The following SEMA5A variants were observed in gnomAD, a reference collection of about 807,000 sequenced individuals.
The protein encoded by SEMA5A is semaphorin 5A, also known as semaphorin-5A.
In SEMA5A, 55 loss-of-function variants were observed where a neutral mutation model predicts 135.5. The ratio of observed to expected loss-of-function variants is 0.41; its 90% CI spans 0.33 to 0.51. The LOEUF is 0.51. SEMA5A is among the 20% of genes least tolerant of loss of function. SEMA5A has a pLI of 0.37. For synonymous variants in SEMA5A, 580 were observed against 546.5 expected, an observed-to-expected ratio of 1.06 and a Z score of -0.85; for missense variants, 1,290 against 1,419.9, an observed-to-expected ratio of 0.91 and a Z score of 1.47.
At chr5:9,513,865 A>AT (rs2126853267) in intron 1 of SEMA5A, among the ~76,000 whole-genome samples, 1 of 152,320 alleles carries the variant, frequency 6.6e-6, no homozygotes, top group South Asian at 2.1e-4. Flanking sequence ...CACTAGTGAG[A>AT]TAGTGGAGTG....
intron 11 of SEMA5A, among the ~76,000 whole-genome samples, chr5:9,183,838 T>G (rs1458065681): frequency 1.3e-5 from 2 of 152,242 alleles, no homozygotes; most frequent in Non-Finnish European, 2.9e-5. Context: ...GTTTTTGAAG[T>G]AGGAATCACA....
At chr5:9,264,323 C>T (rs1312519329) in intron 5 of SEMA5A, among the ~76,000 whole-genome samples, 9 of 151,570 alleles carry the variant, frequency 5.9e-5, no homozygotes, top group Admixed American at 2.0e-4. Context: ...AAAAAGAAGG[C>T]CAGGAAGGTG....
At chr5:9,140,295 C>T (rs754049964) in intron 12 of SEMA5A, among the ~76,000 whole-genome samples, 7 of 152,130 alleles carry the variant, frequency 4.6e-5, no homozygotes, top group Non-Finnish European at 7.4e-5. Context: ...TCTCAAGACA[C>T]GCAATTGATT....
intron 1 of SEMA5A, among the ~76,000 whole-genome samples, chr5:9,518,768 A>G (rs1389247617): frequency 1.3e-5 from 2 of 152,212 alleles, no homozygotes; most frequent in Admixed American, 6.5e-5. Flanking sequence ...GGAGAAAATG[A>G]CCACTTTATT....
intron 18 of SEMA5A, among the ~76,000 whole-genome samples, chr5:9,055,479 T>C (rs1736838974): frequency 6.6e-6 from 1 of 152,220 alleles, no homozygotes; most frequent in Non-Finnish European, 1.5e-5. Context: ...ATTCAGGGCA[T>C]AAGATTGTTT....
intron 3 of SEMA5A, among the ~76,000 whole-genome samples, chr5:9,339,092 C>A (rs1753527257): frequency 6.6e-6 from 1 of 151,794 alleles, no homozygotes; most frequent in Non-Finnish European, 1.5e-5. Context: ...ATTTTATAGG[C>A]AAATCAATTA....
chr5:9,329,627 GC>G (rs1365654708), intron 4 of SEMA5A, among the ~76,000 whole-genome samples: 3 of 152,198 alleles, frequency 2.0e-5, no homozygotes, highest in Non-Finnish European at 2.9e-5. Context: ...TAGGAGAAAA[GC>G]TCTCAATACT....
At chr5:9,403,009 C>T (rs1049100569) in intron 2 of SEMA5A, among the ~76,000 whole-genome samples, 2 of 152,176 alleles carry the variant, frequency 1.3e-5, no homozygotes, top group African/African-American at 4.8e-5. Context: ...ATTCAGCACC[C>T]TTGACACCAG....
At chr5:9,095,074 T>C (rs1053727150) in intron 16 of SEMA5A, among the ~76,000 whole-genome samples, 6 of 152,218 alleles carry the variant, frequency 3.9e-5, no homozygotes, top group South Asian at 2.1e-4. Flanking sequence ...TTTACTTATA[T>C]TGACATATTT....
At chr5:9,453,978 C>T (rs1424367426) in intron 1 of SEMA5A, among the ~76,000 whole-genome samples, 1 of 152,220 alleles carries the variant, frequency 6.6e-6, no homozygotes, top group Non-Finnish European at 1.5e-5. Context: ...TACCTACTCA[C>T]TCCTGAAAGC....
chr5:9,105,440 A>C (rs527244990), intron 16 of SEMA5A, among the ~76,000 whole-genome samples: 6 of 152,352 alleles, frequency 3.9e-5, no homozygotes, highest in East Asian at 1.9e-4. Context: ...ATAAACTGCT[A>C]TAATAATCAG....
At chr5:9,536,935 T>G (rs1737801108) in intron 1 of SEMA5A, among the ~76,000 whole-genome samples, 1 of 152,204 alleles carries the variant, frequency 6.6e-6, no homozygotes, top group Non-Finnish European at 1.5e-5. Flanking sequence ...ATGGGCACCC[T>G]GCCAGGCTGT....
rs528136466 is a variant in SEMA5A at position 9,480,738 on chromosome 5, T to C, written c.-174-42886A>G. Among the ~76,000 whole-genome samples the C allele has an allele frequency of 2.0e-5, 3 of 152,246 alleles. No individual in the cohort carries two copies. The South Asian group carries it at 6.2e-4, about 32-fold the overall frequency. On this transcript the variant is annotated intron_variant, in intron 1 of 22. Coordinates refer to ENST00000382496, the MANE Select transcript of SEMA5A (RefSeq NM_003966.3). Reference sequence around the variant, plus strand: ...CCTCACACAGAACAGATCCATGCACTGGGGGTGTGCAAATTAGAGGTGTCA... The same window carrying C: ...CCTCACACAGAACAGATCCATGCACCGGGGGTGTGCAAATTAGAGGTGTCA...
intron 5 of SEMA5A, among the ~76,000 whole-genome samples, chr5:9,256,794 C>A (rs1320287081): frequency 6.6e-6 from 1 of 152,188 alleles, no homozygotes; most frequent in Non-Finnish European, 1.5e-5. Context: ...CTTTTGCAAA[C>A]TTCTGTCTGA....
intron 2 of SEMA5A, among the ~76,000 whole-genome samples, chr5:9,405,237 AAC>A (rs1220906344): frequency 6.6e-6 from 1 of 152,190 alleles, no homozygotes; most frequent in African/African-American, 2.4e-5. Context: ...TTCACAGAAA[AAC>A]AGACTCCCCA....
chr5:9,202,211 C>T lies in SEMA5A; in HGVS notation c.676G>A (p.Gly226Arg), dbSNP rs140433904. 2.4e-5 allele frequency: 38 copies of T among 1,613,838 alleles called. No individual in the cohort carries two copies. The highest frequency in any genetic ancestry group is 1.5e-4 in the Admixed American group (9 of 60,002). ...EPNFVSSYDI[G>R]NFTYFFFREN... ...CGGAAAAAGAAGTAGGTAAAATTTC[C>T]GATGTCATAAGATGACACAAAGTTT... Residue 226 changes from glycine (G) to arginine (R), a missense_variant, in exon 9 of 23, where the codon GGA (glycine) becomes AGA (arginine). This residue lies in a region of SEMA5A where 145 missense variants were observed against 212.0 expected (regional missense o/e 0.68). Coordinates refer to ENST00000382496, the MANE Select transcript of SEMA5A (RefSeq NM_003966.3).
intron 12 of SEMA5A, among the ~76,000 whole-genome samples, chr5:9,153,487 G>C (rs1331753747): frequency 6.6e-6 from 1 of 152,134 alleles, no homozygotes; most frequent in East Asian, 1.9e-4. Context: ...TGGCCTGAGG[G>C]TGAAGGAAGA....
intron 1 of SEMA5A, among the ~76,000 whole-genome samples, chr5:9,452,657 C>T (rs1268033254): frequency 1.3e-5 from 2 of 152,104 alleles, no homozygotes; most frequent in Admixed American, 6.5e-5. Flanking sequence ...TAGCTTCTAG[C>T]CACACTCTCC....
At chr5:9,439,925 T>G (rs1758171911) in intron 1 of SEMA5A, among the ~76,000 whole-genome samples, 1 of 152,218 alleles carries the variant, frequency 6.6e-6, no homozygotes, top group African/African-American at 2.4e-5. Context: ...GATTCAAGGG[T>G]GTCCACCCGA....
Sources: gnomAD v4.1 joint callset for allele counts (sites outside exome capture counted in the v4.1 genomes callset) on GRCh38, gnomAD v4.1.1 for gene constraint, gnomAD v4.1.1 regional missense constraint, MANE v1.5 for transcripts, NCBI Gene and HGNC (gene_info 2026-07-23, HGNC 2026-07-21) for gene names.